Variants in NRXN1 observed in about 807,000 individuals in gnomAD.
The protein encoded by NRXN1 is neurexin 1, also known as neurexin-1.
In NRXN1, 39 loss-of-function variants were observed where a neutral mutation model predicts 150.9. The ratio of observed to expected loss-of-function variants is 0.26; its 90% confidence interval spans 0.20 to 0.34. NRXN1 has a LOEUF of 0.34. NRXN1 is among the 10% of genes least tolerant of loss of function. The probability of loss-of-function intolerance (pLI) is 1.00; values close to 1 mark genes in which losing one functional copy is unlikely to be tolerated. For synonymous variants in NRXN1, 924 were observed against 757.0 expected, an observed-to-expected ratio of 1.22 and a Z score of -3.62; for missense variants, 1,815 against 1,949.9, an observed-to-expected ratio of 0.93 and a Z score of 1.30.
chr2:50,728,904 C>A (rs1462757489), intron 5 of NRXN1, among the ~76,000 whole-genome samples: 1 of 152,142 alleles, frequency 6.6e-6, no homozygotes, highest in Non-Finnish European at 1.5e-5. Flanking sequence ...CCCAAAGAGT[C>A]TTGAGTGCAT....
At chr2:50,598,136 T>C (rs1417400768) in intron 8 of NRXN1, among the ~76,000 whole-genome samples, 4 of 149,870 alleles carry the variant, frequency 2.7e-5, no homozygotes. Flanking sequence ...AAACTGCGTC[T>C]CAAAGAAAAA....
At chr2:51,030,603 C>A (rs1307670374) in intron 1 of NRXN1, among the ~76,000 whole-genome samples, 2 of 151,872 alleles carry the variant, frequency 1.3e-5, no homozygotes, top group African/African-American at 4.8e-5. Flanking sequence ...ACACTGCCCA[C>A]TAGCAAAAGG....
At chr2:50,152,163 T>C (rs7596009) in intron 18 of NRXN1, among the ~76,000 whole-genome samples, 188 of 151,806 alleles carry the variant, frequency 1.2e-3, no homozygotes, top group African/African-American at 4.4e-3. Context: ...TCTTTCTATC[T>C]GGCAAAACTC....
At chr2:50,360,588 T>C (rs368918277) in intron 17 of NRXN1, among the ~76,000 whole-genome samples, 10 of 152,068 alleles carry the variant, frequency 6.6e-5, no homozygotes, top group East Asian at 5.8e-4. Context: ...ATGCACCCAA[T>C]ACAAGAGCAC....
Position 50,496,097 on chromosome 2 carries a change from TG to T in NRXN1, c.2880-3del. 1 of 1,588,476 alleles carries T rather than the reference TG, an allele frequency of 6.3e-7. No homozygotes were observed. The highest frequency in any genetic ancestry group is 8.6e-7 in the Non-Finnish European group (1 of 1,166,864). The stretch of plus-strand genomic sequence containing the variant: ...AAATCAAACACGTAATGTAAGTACC[TG>T]GGAAAAAAATGAAAGAGGGGAAAGT... On this transcript the variant is annotated splice_polypyrimidine_tract_variant and splice_region_variant and intron_variant, in intron 14 of 22. Coordinates refer to ENST00000401669, the MANE Select transcript of NRXN1 (RefSeq NM_001330078.2).
chr2:50,725,872 AAT>A (rs1697298386), intron 5 of NRXN1, among the ~76,000 whole-genome samples: 1 of 152,210 alleles, frequency 6.6e-6, no homozygotes, highest in Non-Finnish European at 1.5e-5. Context: ...TATTTGTAAA[AAT>A]AAACTTTGAA....
chr2:50,076,446 T>C (rs575680056), intron 19 of NRXN1, among the ~76,000 whole-genome samples: 3 of 152,366 alleles, frequency 2.0e-5, no homozygotes, highest in South Asian at 4.1e-4. Flanking sequence ...TGTTTTGAAA[T>C]TAATAACTCA....
At chr2:50,015,825 T>C (rs143116907) in intron 21 of NRXN1, among the ~76,000 whole-genome samples, 31 of 152,250 alleles carry the variant, frequency 2.0e-4, no homozygotes, top group South Asian at 4.2e-4. Flanking sequence ...CAGAAAGTTC[T>C]ACCTGTGAAA....
chr2:50,350,846 A>G (rs80106694), intron 17 of NRXN1, among the ~76,000 whole-genome samples: 1 of 152,226 alleles, frequency 6.6e-6, no homozygotes, highest in East Asian at 1.9e-4. Context: ...GCTAAAGAGA[A>G]AATATTTATG....
chr2:50,276,128 A>G, intron 17 of NRXN1, among the ~76,000 whole-genome samples: 1 of 152,128 alleles, frequency 6.6e-6, no homozygotes. Context: ...GAGAAACTCA[A>G]GAACAACCAC....
intron 17 of NRXN1, among the ~76,000 whole-genome samples, chr2:50,454,907 C>A (rs1198808626): frequency 6.6e-6 from 1 of 152,122 alleles, no homozygotes; most frequent in African/African-American, 2.4e-5. Flanking sequence ...TCAAAGACTG[C>A]ACTACTCTGG....
intron 21 of NRXN1, among the ~76,000 whole-genome samples, chr2:50,007,285 G>A (rs866326838): frequency 3.9e-5 from 6 of 152,038 alleles, no homozygotes; most frequent in East Asian, 1.9e-4. Flanking sequence ...ATTTGAAGTC[G>A]CAGTGAGCTT....
At chr2:50,357,185 C>A (rs541452778) in intron 17 of NRXN1, among the ~76,000 whole-genome samples, 1 of 152,180 alleles carries the variant, frequency 6.6e-6, no homozygotes, top group Non-Finnish European at 1.5e-5. Context: ...AGGAGGATCA[C>A]TTTAACCCAG....
At chr2:50,795,200 A>T (rs1447644460) in intron 5 of NRXN1, among the ~76,000 whole-genome samples, 1 of 152,080 alleles carries the variant, frequency 6.6e-6, no homozygotes, top group East Asian at 1.9e-4. Flanking sequence ...TGTAGATAAG[A>T]TTTACCTGGA....
chr2:50,540,632 G>A (rs1386107160), intron 9 of NRXN1, among the ~76,000 whole-genome samples: 1 of 151,958 alleles, frequency 6.6e-6, no homozygotes, highest in Non-Finnish European at 1.5e-5. Context: ...GGAAAGCAAA[G>A]AGTTACATGC....
intron 10 of NRXN1, among the ~76,000 whole-genome samples, chr2:50,537,698 T>G (rs1407508266): frequency 6.6e-6 from 1 of 152,160 alleles, no homozygotes; most frequent in Non-Finnish European, 1.5e-5. Flanking sequence ...TAGGGTACAC[T>G]TCCAGAAATG....
At chr2:51,004,016 T>G (rs190177593) in intron 2 of NRXN1, among the ~76,000 whole-genome samples, 13 of 151,898 alleles carry the variant, frequency 8.6e-5, no homozygotes, top group Admixed American at 3.9e-4. Context: ...GGATGTACCC[T>G]CACTTCCTGT....
intron 17 of NRXN1, among the ~76,000 whole-genome samples, chr2:50,273,634 AG>A (rs1183235485): frequency 1.3e-5 from 2 of 152,168 alleles, no homozygotes; most frequent in African/African-American, 4.8e-5. Context: ...TGACATAGGA[AG>A]GGCCTGATAC....
chr2:50,235,611 T>C (rs1236718039), intron 18 of NRXN1, among the ~76,000 whole-genome samples: 1 of 152,134 alleles, frequency 6.6e-6, no homozygotes, highest in Non-Finnish European at 1.5e-5. Flanking sequence ...CTTTGGTGTT[T>C]CATGTTTTTC....
Sources: gnomAD v4.1 joint callset for allele counts (sites outside exome capture counted in the v4.1 genomes callset) on GRCh38, gnomAD v4.1.1 for gene constraint, MANE v1.5 for transcripts, NCBI Gene and HGNC (gene_info 2026-07-23, HGNC 2026-07-21) for gene names.